Variants in WWOX observed in about 807,000 individuals in gnomAD.
The protein encoded by WWOX is WW domain containing oxidoreductase, also known as WW domain-containing oxidoreductase.
WWOX carries 69 observed loss-of-function variants against 46.2 expected under a neutral mutation model. The observed-to-expected ratio is 1.49, with a 90% confidence interval of 1.23 to 1.82. The LOEUF is 1.82. Among genes scored for constraint, WWOX ranks in the 40% most tolerant of loss-of-function variants. The pLI, the probability that WWOX is intolerant of heterozygous loss-of-function variation, is 0.00. For missense variants in WWOX, 919 were observed against 542.6 expected (o/e 1.69, Z -6.89); for synonymous variants, 359 against 202.6 (o/e 1.77, Z -6.56).
At chr16:78,929,555 C>T (rs2151279229) in intron 8 of WWOX, among the ~76,000 whole-genome samples, 1 of 152,222 alleles carries the variant, frequency 6.6e-6, no homozygotes, top group South Asian at 2.1e-4. Context: ...GCCATACCTT[C>T]AGTCATTCTC....
At chr16:79,074,311 T>G (rs373998050) in intron 8 of WWOX, among the ~76,000 whole-genome samples, 1 of 149,988 alleles carries the variant, frequency 6.7e-6, no homozygotes, top group East Asian at 2.0e-4. Context: ...GTCACCCCCA[T>G]TTCCCACACT....
At chr16:78,945,774 G>A (rs1466825691) in intron 8 of WWOX, among the ~76,000 whole-genome samples, 1 of 151,832 alleles carries the variant, frequency 6.6e-6, no homozygotes, top group African/African-American at 2.4e-5. Flanking sequence ...GGCTCATCTG[G>A]TATGTGTATT....
chr16:79,176,602 A>C (rs760995186), intron 8 of WWOX, among the ~76,000 whole-genome samples: 31 of 152,206 alleles, frequency 2.0e-4, no homozygotes, highest in Non-Finnish European at 4.4e-4. Context: ...GATGTGAGAA[A>C]GTTAAACTGA....
At chr16:78,969,860 C>T (rs923229173) in intron 8 of WWOX, among the ~76,000 whole-genome samples, 5 of 152,034 alleles carry the variant, frequency 3.3e-5, no homozygotes, top group African/African-American at 1.2e-4. Context: ...TGGATGGAGG[C>T]ATTTGGGATT....
At chr16:78,983,347 C>T (rs1406600115) in intron 8 of WWOX, among the ~76,000 whole-genome samples, 2 of 152,132 alleles carry the variant, frequency 1.3e-5, no homozygotes, top group Non-Finnish European at 2.9e-5. Context: ...ACGCTTCTTC[C>T]GTGGTGTTCT....
intron 4 of WWOX, among the ~76,000 whole-genome samples, chr16:78,152,075 A>G (rs908044581): frequency 4.6e-5 from 7 of 152,218 alleles, no homozygotes; most frequent in Non-Finnish European, 8.8e-5. Flanking sequence ...CTGTAGTCCC[A>G]GCTACTCGGG....
intron 8 of WWOX, among the ~76,000 whole-genome samples, chr16:78,924,112 C>A (rs558251936): frequency 1.3e-5 from 2 of 152,074 alleles, no homozygotes; most frequent in South Asian, 4.2e-4. Context: ...CCGCTGTGCC[C>A]GGCTGCTAGG....
intron 5 of WWOX, among the ~76,000 whole-genome samples, chr16:78,205,336 G>C (rs77138969): frequency 5.9e-5 from 9 of 152,210 alleles, no homozygotes; most frequent in African/African-American, 2.2e-4. Flanking sequence ...AAAACTCCAC[G>C]TATCCATATG....
At chr16:78,823,358 G>T (rs371894198) in intron 8 of WWOX, among the ~76,000 whole-genome samples, 2 of 152,172 alleles carry the variant, frequency 1.3e-5, no homozygotes, top group African/African-American at 4.8e-5. Context: ...AATAAGGAAG[G>T]ACAGACTCCC....
At chr16:78,660,821 A>G (rs1012050717) in intron 8 of WWOX, among the ~76,000 whole-genome samples, 3 of 152,206 alleles carry the variant, frequency 2.0e-5, no homozygotes, top group Non-Finnish European at 4.4e-5. Context: ...CAAAAAATGC[A>G]TGCAACTGAG....
chr16:79,195,528 G>A (rs2051222715), intron 8 of WWOX, among the ~76,000 whole-genome samples: 1 of 152,192 alleles, frequency 6.6e-6, no homozygotes, highest in Non-Finnish European at 1.5e-5. Context: ...GCCCAGAATG[G>A]GGGATCTCAG....
intron 8 of WWOX, among the ~76,000 whole-genome samples, chr16:78,716,762 G>C (rs1192704674): frequency 6.6e-6 from 1 of 152,126 alleles, no homozygotes; most frequent in African/African-American, 2.4e-5. Flanking sequence ...CGAATTGCAG[G>C]ATCTTCCTTA....
chr16:78,119,614 A>T (rs903463667), intron 4 of WWOX, among the ~76,000 whole-genome samples: 1 of 150,944 alleles, frequency 6.6e-6, no homozygotes, highest in Non-Finnish European at 1.5e-5. Context: ...GGTTTGTGAG[A>T]CATCCATTAA....
chr16:78,411,704 G>C (rs1729834571), intron 6 of WWOX, among the ~76,000 whole-genome samples: 1 of 152,208 alleles, frequency 6.6e-6, no homozygotes, highest in Non-Finnish European at 1.5e-5. Context: ...TTCATAAAAA[G>C]TCAAGTGGGA....
intron 8 of WWOX, among the ~76,000 whole-genome samples, chr16:78,791,725 A>G (rs1014005588): frequency 6.6e-6 from 1 of 152,068 alleles, no homozygotes; most frequent in African/African-American, 2.4e-5. Context: ...TAAAAATGCA[A>G]AAAATTAGCT....
At chr16:78,518,568 C>CT (rs913557814) in intron 8 of WWOX, among the ~76,000 whole-genome samples, 2 of 152,156 alleles carry the variant, frequency 1.3e-5, no homozygotes, top group Non-Finnish European at 2.9e-5. Flanking sequence ...CTTAGGAGTA[C>CT]TTTTGTCCAT....
rs534186405 is a variant in WWOX at position 78,914,865 on chromosome 16, C to T, written c.1057-296743C>T. ...CTGCACTCCCGCCCGGGTGACAGAG[C>T]GAGACTCCGCCTCAGAAAAAAAAAA... On this transcript the variant is annotated intron_variant, in intron 8 of 8. Coordinates refer to ENST00000566780, the MANE Select transcript of WWOX (RefSeq NM_016373.4). 2.3e-4 allele frequency among the ~76,000 whole-genome samples: 28 copies of T among 121,864 alleles called. 1 individual carries two copies. The highest frequency in any genetic ancestry group is 1.9e-3 in the Admixed American group (17 of 8,956). 79.9% of individuals were successfully genotyped at this position (121,864 alleles called of 152,430 possible).
chr16:78,822,751 A>T (rs909426203), intron 8 of WWOX, among the ~76,000 whole-genome samples: 1 of 152,194 alleles, frequency 6.6e-6, no homozygotes, highest in Non-Finnish European at 1.5e-5. Flanking sequence ...TTTAGGTTGG[A>T]ATGCAAGGGA....
intron 8 of WWOX, among the ~76,000 whole-genome samples, chr16:79,192,884 G>A (rs1008487940): frequency 5.9e-5 from 9 of 152,302 alleles, no homozygotes; most frequent in South Asian, 2.1e-4. Flanking sequence ...TCACAGGGCC[G>A]CAGGACTGAG....
Sources: allele counts gnomAD v4.1 joint callset (sites outside exome capture counted in the v4.1 genomes callset), GRCh38; gene constraint gnomAD v4.1.1; transcripts MANE v1.5; gene names NCBI Gene and HGNC (gene_info 2026-07-23, HGNC 2026-07-21).